THEMIS: variants seen among roughly 807,000 people sequenced by gnomAD.
THEMIS encodes protein THEMIS.
A neutral mutation model predicts 52.6 loss-of-function variants in THEMIS; 37 were observed. The observed-to-expected ratio is 0.70, with a 90% CI of 0.54 to 0.93. The LOEUF is 0.93. THEMIS is among the 40% of genes least tolerant of loss of function. The pLI is 0.00. For missense variants in THEMIS, 808 were observed against 763.1 expected, an observed-to-expected ratio of 1.06 and a Z score of -0.69; for synonymous variants, 292 against 272.7, an observed-to-expected ratio of 1.07 and a Z score of -0.70.
intron 1 of THEMIS, among the ~76,000 whole-genome samples, chr6:127,883,803 G>T (rs189762338): frequency 1.4e-3 from 209 of 152,194 alleles, no homozygotes; most frequent in Admixed American, 2.2e-3. Flanking sequence ...TTTAAGGTAG[G>T]CTAGGCTACG....
upstream of THEMIS, chr6:127,918,562 G>A (rs1781573115): frequency 6.6e-6 from 1 of 152,160 alleles, no homozygotes; most frequent in Non-Finnish European, 1.5e-5. Context: ...CAGCCAAAGA[G>A]ACTAATGCAA....
At chr6:127,831,249 C>T (rs1778691266) in intron 2 of THEMIS, among the ~76,000 whole-genome samples, 1 of 152,056 alleles carries the variant, frequency 6.6e-6, no homozygotes. Flanking sequence ...GATTTTTGTA[C>T]ATTGTATGTC....
chr6:127,874,411 T>C (rs1233610231), intron 1 of THEMIS, among the ~76,000 whole-genome samples: 1 of 152,228 alleles, frequency 6.6e-6, no homozygotes, highest in Non-Finnish European at 1.5e-5. Flanking sequence ...GTTAACTTTT[T>C]ATAATAGATT....
intron 1 of THEMIS, among the ~76,000 whole-genome samples, chr6:127,863,833 A>G (rs897810878): frequency 6.6e-6 from 1 of 152,218 alleles, no homozygotes; most frequent in African/African-American, 2.4e-5. Flanking sequence ...CAGCCGTTTC[A>G]CACTAGCAAT....
chr6:127,903,912 C>T (rs1467602887), upstream of THEMIS, among the ~76,000 whole-genome samples: 1 of 152,026 alleles, frequency 6.6e-6, no homozygotes, highest in Non-Finnish European at 1.5e-5. Flanking sequence ...TTTAAAAAAG[C>T]TGTTTTAAGA....
chr6:127,727,530 C>A (rs1774592642), intron 4 of THEMIS, among the ~76,000 whole-genome samples: 1 of 152,088 alleles, frequency 6.6e-6, no homozygotes, highest in Admixed American at 6.6e-5. Context: ...ATTCTCAACT[C>A]ATTTATTAAA....
chr6:127,746,210 T>C (rs1360459593), intron 4 of THEMIS, among the ~76,000 whole-genome samples: 2 of 151,824 alleles, frequency 1.3e-5, no homozygotes, highest in East Asian at 1.9e-4. Context: ...AATGAAGATA[T>C]TCAATTTCTG....
chr6:127,887,367 C>T (rs191099509), intron 1 of THEMIS, among the ~76,000 whole-genome samples: 61 of 152,030 alleles, frequency 4.0e-4, no homozygotes, highest in Middle Eastern at 3.4e-3. Context: ...CAAGTCTTAG[C>T]GTGGATGTTA....
At chr6:127,907,049 A>G (rs1781289066) in intron 1 of THEMIS, among the ~76,000 whole-genome samples, 1 of 152,006 alleles carries the variant, frequency 6.6e-6, no homozygotes, top group Non-Finnish European at 1.5e-5. Context: ...TTCTTTGAGT[A>G]AAGAATAAAC....
At chr6:127,910,234 G>T (rs1044002021) in intron 1 of THEMIS, among the ~76,000 whole-genome samples, 2 of 152,066 alleles carry the variant, frequency 1.3e-5, no homozygotes, top group Non-Finnish European at 2.9e-5. Context: ...TACAGTCATA[G>T]TTCAGACTAC....
At chr6:127,848,426 T>C (rs1282056422) in intron 2 of THEMIS, among the ~76,000 whole-genome samples, 1 of 152,038 alleles carries the variant, frequency 6.6e-6, no homozygotes, top group Non-Finnish European at 1.5e-5. Context: ...TTATAATCCT[T>C]TGGGTATATA....
chr6:127,803,428 A>C (rs1365555371), intron 4 of THEMIS, among the ~76,000 whole-genome samples: 1 of 151,994 alleles, frequency 6.6e-6, no homozygotes, highest in Non-Finnish European at 1.5e-5. Context: ...TTTGCTTATT[A>C]TTAAAGTGTT....
Position 127,710,792 on chromosome 6 carries a change from G to A in THEMIS, c.1895-776C>T, listed in dbSNP as rs1583186249. On this transcript the variant is annotated intron_variant, in intron 5 of 5. Coordinates refer to ENST00000368248, the MANE Select transcript of THEMIS (RefSeq NM_001010923.3). ...AGTAAGCACTACAAGTGGTCAAGAG[G>A]AACAGAAAACCAGAAATCTCTCTGA... Among the ~76,000 whole-genome samples the A allele has an allele frequency of 1.3e-5, 2 of 151,986 alleles. 1 individual carries two copies. Among genetic ancestry groups the A allele is most frequent in the East Asian group, 3.9e-4 (2 of 5,128 alleles).
chr6:127,829,624 A>C lies in THEMIS; in HGVS notation c.561T>G (p.Ile187Met), dbSNP rs1188058375. ...EDERIYTLKEIVEWKIPKNRT... is the reference protein window; with the variant it reads ...EDERIYTLKEMVEWKIPKNRT... ...TGTTCTTAGGAATCTTCCATTCAAC[A>C]ATCTCCTTTAGAGTGTAAATACGTT... Residue 187 changes from isoleucine (I) to methionine (M), a missense_variant, in exon 3 of 6, where the codon ATT (isoleucine) becomes ATG (methionine). Ile to Met is a conservative substitution (Grantham distance 10). Coordinates refer to ENST00000368248, the MANE Select transcript of THEMIS (RefSeq NM_001010923.3). 3 of 1,613,986 alleles carry C rather than the reference A, an allele frequency of 1.9e-6. No individual in the cohort carries two copies. The African/African-American group carries it at 4.0e-5, about 22-fold the overall frequency.
chr6:127,738,791 C>A (rs1191999161), intron 4 of THEMIS, among the ~76,000 whole-genome samples: 1 of 152,090 alleles, frequency 6.6e-6, no homozygotes, highest in Non-Finnish European at 1.5e-5. Flanking sequence ...CTGTCTAGGA[C>A]ATTTCTGTAC....
chr6:127,858,428 G>T (rs537432587), intron 1 of THEMIS, among the ~76,000 whole-genome samples: 1 of 152,198 alleles, frequency 6.6e-6, no homozygotes, highest in East Asian at 1.9e-4. Flanking sequence ...GTTCAGAGAT[G>T]TCCAGCACTA....
At chr6:127,805,472 G>A (rs929620878) in intron 4 of THEMIS, among the ~76,000 whole-genome samples, 8 of 151,876 alleles carry the variant, frequency 5.3e-5, no homozygotes, top group Non-Finnish European at 1.2e-4. Context: ...AAGTATTTAT[G>A]GGCCCTCCGG....
chr6:127,845,234 T>C (rs886642221), intron 2 of THEMIS, among the ~76,000 whole-genome samples: 2 of 151,960 alleles, frequency 1.3e-5, no homozygotes, highest in Non-Finnish European at 2.9e-5. Flanking sequence ...AAAGAAGTAA[T>C]TCTGGGCACT....
rs1306224373 is a variant in THEMIS, at chr6:127,812,476, C to A, written c.1758+407G>T. Among the ~76,000 whole-genome samples the A allele has an allele frequency of 2.0e-5, 3 of 152,040 alleles. No individual in the cohort carries two copies. In the East Asian group the frequency reaches 5.8e-4, roughly 29 times the overall value. ...CATGCTACCAGTAACCCCCCATCCC[C>A]AGAAGAAGGGAGTTTACTGTATGTT... On this transcript the variant is annotated intron_variant, in intron 4 of 5. Coordinates refer to ENST00000368248, the MANE Select transcript of THEMIS (RefSeq NM_001010923.3).
Sources: allele counts gnomAD v4.1 joint callset (sites outside exome capture counted in the v4.1 genomes callset), GRCh38; gene constraint gnomAD v4.1.1; transcripts MANE v1.5; gene names NCBI Gene and HGNC (gene_info 2026-07-23, HGNC 2026-07-21).